Variants in KIF1A observed in about 807,000 individuals in gnomAD.
The protein encoded by KIF1A is kinesin-like protein KIF1A.
In KIF1A, 46 loss-of-function variants were observed where a neutral mutation model predicts 227.3. The ratio of observed to expected loss-of-function variants is 0.20; its 90% CI spans 0.16 to 0.26. KIF1A has a LOEUF of 0.26. KIF1A is among the 10% of genes least tolerant of loss of function. The pLI is 1.00. For synonymous variants in KIF1A, 1,022 were observed against 1,012.8 expected, an observed-to-expected ratio of 1.01 and a Z score of -0.17; for missense variants, 1,683 against 2,485.9, an observed-to-expected ratio of 0.68 and a Z score of 6.87.
At chr2:240,743,738 G>A (rs778672429) in intron 33 of KIF1A, among the ~76,000 whole-genome samples, 15 of 152,226 alleles carry the variant, frequency 9.9e-5, no homozygotes, top group African/African-American at 1.7e-4. Context: ...CTGCAGTCCC[G>A]AAGGAGAGAA....
Position 240,740,291 on chromosome 2 carries a change from C to T in KIF1A, c.3816+7G>A. ...ACAGGCAGGGTAGGGGCAAGAGGGG[C>T]TCACACCTGGTGGAGGAGGAAGGTC... On this transcript the variant is annotated splice_region_variant and intron_variant, in intron 36 of 48. Coordinates refer to ENST00000498729, the MANE Select transcript of KIF1A (RefSeq NM_001244008.2). This position sits in a 1 kb window ranked among gnomAD's most constrained non-coding sequence, Gnocchi z 6.1. 1.2e-6 allele frequency: 2 copies of T among 1,612,356 alleles called. No individual in the cohort carries two copies. Among genetic ancestry groups the T allele is most frequent in the Non-Finnish European group, 1.7e-6 (2 of 1,179,030 alleles).
At chr2:240,810,605 G>A (rs895394149) in intron 1 of KIF1A, among the ~76,000 whole-genome samples, 2 of 152,200 alleles carry the variant, frequency 1.3e-5, no homozygotes, top group Non-Finnish European at 2.9e-5. Flanking sequence ...AATGCAGAAT[G>A]ACTTATCATT....
intron 43 of KIF1A, among the ~76,000 whole-genome samples, 193 bp downstream of exon 43, chr2:240,722,263 G>A (rs894147700): frequency 6.6e-6 from 1 of 152,186 alleles, no homozygotes; most frequent in Admixed American, 6.5e-5. Context: ...GCTGCAAAAG[G>A]CACCCAACTT....
rs1470380277 is a variant in KIF1A, at chr2:240,736,874, C to A, written c.4007+189G>T. Among the ~76,000 whole-genome samples the A allele has an allele frequency of 6.6e-6, 1 of 152,190 alleles. No homozygotes were observed. Among genetic ancestry groups the A allele is most frequent in the African/African-American group, 2.4e-5 (1 of 41,456 alleles). ...ATGCCTGAACCAGCAACGAGGTGCA[C>A]AAACGAGGAGCCGGGGGTGCAGAGG... On this transcript the variant is annotated intron_variant, in intron 38 of 48. Coordinates refer to ENST00000498729, the MANE Select transcript of KIF1A (RefSeq NM_001244008.2). The surrounding 1 kb of genome is among the most constrained non-coding windows in gnomAD (Gnocchi z 4.7).
At chr2:240,780,043 C>T (rs1319300196) in intron 10 of KIF1A, among the ~76,000 whole-genome samples, 3 of 152,124 alleles carry the variant, frequency 2.0e-5, no homozygotes, top group East Asian at 3.9e-4. Context: ...CTCACAGTGC[C>T]TCAGACGGGG....
chr2:240,753,864 C>T (rs1474440537), intron 27 of KIF1A, among the ~76,000 whole-genome samples: 1 of 152,194 alleles, frequency 6.6e-6, no homozygotes. Flanking sequence ...CAGGGCCTGG[C>T]AGCAAGGGCC....
intron 28 of KIF1A, 57 bp downstream of exon 28, chr2:240,750,372 G>C: frequency 7.4e-7 from 1 of 1,347,746 alleles, no homozygotes; most frequent in Admixed American, 1.7e-5. Context: ...TGCCTGCAAA[G>C]GTCAGAGCCA....
rs2052975035 is a variant in KIF1A, at chr2:240,777,812, C to T, written c.883-1886G>A. ...CCGGCCTCGCCTCCCTGCTCTGGGC[C>T]TGGCTCCTCAACCAGTTCCTCGAAA... On this transcript the variant is annotated intron_variant, in intron 10 of 48. Transcript: ENST00000498729. Among the ~76,000 whole-genome samples, 3 of 152,236 alleles carry T rather than the reference C, an allele frequency of 2.0e-5. 1 individual carries two copies. The highest frequency in any genetic ancestry group is 2.0e-4 in the Admixed American group (3 of 15,290).
At chr2:240,780,185 C>A (rs961007050) in intron 10 of KIF1A, among the ~76,000 whole-genome samples, 1 of 152,036 alleles carries the variant, frequency 6.6e-6, no homozygotes, top group Non-Finnish European at 1.5e-5. Context: ...ATGCCTTTCC[C>A]AGCAGCCACC....
intron 1 of KIF1A, among the ~76,000 whole-genome samples, chr2:240,807,570 C>T (rs1226785467): frequency 1.3e-5 from 2 of 152,328 alleles, no homozygotes; most frequent in Middle Eastern, 3.4e-3. Flanking sequence ...AACATTTGTA[C>T]ATGTTCAGTA....
intron 20 of KIF1A, 86 bp downstream of exon 20, chr2:240,765,624 C>A: frequency 9.3e-7 from 1 of 1,079,530 alleles, no homozygotes; most frequent in Non-Finnish European, 1.4e-6. Context: ...GCACAGTGCA[C>A]AGGAGGCGGT....
intron 38 of KIF1A, 111 bp from the exon 39 acceptor site, chr2:240,727,051 C>T (rs372432681): frequency 1.1e-4 from 69 of 619,016 alleles, no homozygotes; most frequent in South Asian, 1.6e-4. Context: ...CGCAAGGGAG[C>T]GGCTGGGGGC....
rs748931410 is a variant in KIF1A at position 240,741,252 on chromosome 2, C to T, written c.3749+17G>A. 13 of 1,557,806 alleles carry T rather than the reference C, an allele frequency of 8.3e-6. No homozygotes were observed. In the South Asian group the frequency reaches 1.5e-4, roughly 18 times the overall value. ...GACACACACTCACGCCCTGGGGGCC[C>T]CAGCACCAGCACTCACTCGCCGTTG... On this transcript the variant is annotated intron_variant, in intron 35 of 48. Transcript: ENST00000498729.
At chr2:240,723,244 G>A (rs1289531321) in intron 42 of KIF1A, among the ~76,000 whole-genome samples, 169 bp downstream of exon 42, 3 of 152,188 alleles carry the variant, frequency 2.0e-5, no homozygotes, top group Non-Finnish European at 2.9e-5. Context: ...ACGCAGCCCC[G>A]CAGTGCACAC....
rs2055189174 is a variant in KIF1A, at chr2:240,788,179, C to T, written c.235G>A (p.Glu79Lys). 3.7e-6 allele frequency: 6 copies of T among 1,613,886 alleles called. No homozygotes were observed. Among genetic ancestry groups the T allele is most frequent in the Non-Finnish European group, 2.5e-6 (3 of 1,179,862 alleles). Residue 79 changes from glutamate (E) to lysine (K), a missense_variant, in exon 4 of 49, where the codon GAG (glutamate) becomes AAG (lysine). Physicochemically the swap from Glu to Lys is moderately conservative, Grantham distance 56. Transcript: ENST00000498729. The surrounding 1 kb of genome is among the most constrained non-coding windows in gnomAD (Gnocchi z 6.6). The part of the protein sequence containing the change: ...SQKQVYRDIG[E>K]EMLQHAFEGY... Reference sequence around the variant, plus strand: ...TCAAAGGCATGCTGCAGCATCTCCTCGCCGATGTCCCGGTACACCTGCTTC... The same window carrying T: ...TCAAAGGCATGCTGCAGCATCTCCTTGCCGATGTCCCGGTACACCTGCTTC...
chr2:240,719,688 G>T, intron 46 of KIF1A, 86 bp downstream of exon 46: 1 of 1,369,120 alleles, frequency 7.3e-7, no homozygotes, highest in Non-Finnish European at 9.7e-7. Flanking sequence ...GGGTCCCTGT[G>T]CCCCCAGTAT....
intron 40 of KIF1A, 179 bp from the exon 41 acceptor site, chr2:240,724,215 G>GC: frequency 1.6e-6 from 1 of 640,542 alleles, no homozygotes; most frequent in Non-Finnish European, 2.9e-6. Flanking sequence ...ACTCCCTCCG[G>GC]CCCCCAGAGA....
intron 1 of KIF1A, among the ~76,000 whole-genome samples, chr2:240,808,777 T>C (rs1444703886): frequency 1.3e-5 from 2 of 152,210 alleles, no homozygotes; most frequent in South Asian, 4.2e-4. Flanking sequence ...TCGCCTGGGA[T>C]TGGAGTGCAA....
chr2:240,770,326 T>C (rs1195870426), intron 15 of KIF1A, among the ~76,000 whole-genome samples: 1 of 151,888 alleles, frequency 6.6e-6, no homozygotes, highest in African/African-American at 2.4e-5. Context: ...ACACTGTGCC[T>C]TTGAGCGGTG....
Sources: allele counts gnomAD v4.1 joint callset (sites outside exome capture counted in the v4.1 genomes callset), GRCh38; gene constraint gnomAD v4.1.1; non-coding constraint Gnocchi (gnomAD v3.1); transcripts MANE v1.5; gene names NCBI Gene and HGNC (gene_info 2026-07-23, HGNC 2026-07-21).